LTBP1: variants seen among roughly 807,000 people sequenced by gnomAD.
LTBP1 encodes latent transforming growth factor beta binding protein 1, also known as latent-transforming growth factor beta-binding protein 1.
In LTBP1, 129 loss-of-function variants were observed where a neutral mutation model predicts 207.6. The observed-to-expected ratio is 0.62, with a 90% confidence interval of 0.54 to 0.72. The LOEUF (loss-of-function observed/expected upper bound fraction) is 0.72. LTBP1 is among the 30% of genes least tolerant of loss of function. LTBP1 has a pLI of 0.00. For missense variants in LTBP1, 2,281 were observed against 2,217.2 expected (o/e 1.03, Z -0.58); for synonymous variants, 963 against 833.7 (o/e 1.16, Z -2.67).
chr2:33,266,878 C>T (rs2093195490), intron 15 of LTBP1, among the ~76,000 whole-genome samples: 1 of 152,168 alleles, frequency 6.6e-6, no homozygotes, highest in Non-Finnish European at 1.5e-5. Context: ...ACTGAAAGAG[C>T]TATGACACAA....
chr2:33,326,317 C>T (rs1042024846), intron 24 of LTBP1, among the ~76,000 whole-genome samples: 1 of 152,186 alleles, frequency 6.6e-6, no homozygotes, highest in Middle Eastern at 3.2e-3. Flanking sequence ...GCACAAACTG[C>T]GTGTTTGCAA....
chr2:33,055,148 C>T (rs956479400), intron 3 of LTBP1, among the ~76,000 whole-genome samples: 4 of 152,072 alleles, frequency 2.6e-5, no homozygotes, highest in East Asian at 1.9e-4. Flanking sequence ...TATAGAACAC[C>T]GAGGTTGCAA....
intron 5 of LTBP1, among the ~76,000 whole-genome samples, chr2:33,179,500 G>A (rs2086408827): frequency 6.6e-6 from 1 of 151,772 alleles, no homozygotes; most frequent in Non-Finnish European, 1.5e-5. Flanking sequence ...AGTGTTGGGT[G>A]CATCTTTAAC....
chr2:33,243,832 G>C (rs771954194), intron 10 of LTBP1, 48 bp downstream of exon 10: 3 of 1,606,932 alleles, frequency 1.9e-6, no homozygotes, highest in Non-Finnish European at 1.7e-6. Context: ...ATTGTCTTTG[G>C]GGTTTTTCCA....
Position 32,972,749 on chromosome 2 carries a change from G to T in LTBP1, c.565+23804G>T, listed in dbSNP as rs1681103597. On this transcript the variant is annotated intron_variant, in intron 2 of 33. Coordinates refer to ENST00000404816, the MANE Select transcript of LTBP1 (RefSeq NM_206943.4). ...AGATCTGATGGTTTTAAAAGTGGCA[G>T]TTTCCCCTGCACACTTTCTCTCCTG... 2.0e-5 allele frequency among the ~76,000 whole-genome samples: 3 copies of T among 152,198 alleles called. No individual in the cohort carries two copies. The South Asian group carries it at 6.2e-4, about 32-fold the overall frequency.
At chr2:33,161,056 A>G (rs762136005) in intron 5 of LTBP1, among the ~76,000 whole-genome samples, 3 of 152,148 alleles carry the variant, frequency 2.0e-5, no homozygotes, top group Non-Finnish European at 4.4e-5. Context: ...TGACTCTGCC[A>G]TTTATTAATA....
chr2:33,305,776 G>A (rs1558982269), intron 22 of LTBP1, among the ~76,000 whole-genome samples: 1 of 152,146 alleles, frequency 6.6e-6, no homozygotes, highest in African/African-American at 2.4e-5. Context: ...GGAGATTGAG[G>A]AAAAAGTGGC....
rs565873733 is a variant in LTBP1 at position 33,086,606 on chromosome 2, A to G, written c.864-23976A>G. ...TCTCATTTATTTCTTTATTGCAACT[A>G]GTGAACACAGGGTTCAGCTGTAAGA... On this transcript the variant is annotated intron_variant, in intron 3 of 33. Coordinates refer to ENST00000404816, the MANE Select transcript of LTBP1 (RefSeq NM_206943.4). Among the ~76,000 whole-genome samples, 15 of 152,332 alleles carry G rather than the reference A, an allele frequency of 9.8e-5. 1 individual carries two copies. The South Asian group carries it at 2.7e-3, about 27-fold the overall frequency.
Position 33,186,001 on chromosome 2 carries a change from CAG to C in LTBP1, c.1202-852_1202-851del, listed in dbSNP as rs373529934. Reference sequence around the variant, plus strand: ...GAGGTTGACCATAAGCTAAAATAGCCAGAGTTATAACTCCTCTTAAAATTCTT... The same window carrying C: ...GAGGTTGACCATAAGCTAAAATAGCCAGTTATAACTCCTCTTAAAATTCTT... On this transcript the variant is annotated intron_variant, in intron 5 of 33. Coordinates refer to ENST00000404816, the MANE Select transcript of LTBP1 (RefSeq NM_206943.4). Among the ~76,000 whole-genome samples, 219 of 152,232 alleles carry C rather than the reference CAG, an allele frequency of 1.4e-3. 2 individuals are homozygous for C. The highest frequency in any genetic ancestry group is 5.1e-3 in the African/African-American group (211 of 41,532).
At chr2:33,176,357 C>T (rs1220966950) in intron 5 of LTBP1, among the ~76,000 whole-genome samples, 1 of 152,076 alleles carries the variant, frequency 6.6e-6, no homozygotes, top group African/African-American at 2.4e-5. Flanking sequence ...TTCTGAGTAG[C>T]TGGGACTACA....
chr2:33,219,252 AT>A (rs1422465022), intron 8 of LTBP1, among the ~76,000 whole-genome samples: 1 of 152,154 alleles, frequency 6.6e-6, no homozygotes, highest in Non-Finnish European at 1.5e-5. Context: ...TACTGAGAGA[AT>A]TTTCCAAGCA....
intron 31 of LTBP1, among the ~76,000 whole-genome samples, chr2:33,370,729 C>T (rs1162179408): frequency 6.6e-6 from 1 of 152,178 alleles, no homozygotes; most frequent in East Asian, 1.9e-4. Context: ...TTCATCTAAG[C>T]ACTGGACTAA....
At chr2:33,038,617 C>T (rs1228439002) in intron 3 of LTBP1, among the ~76,000 whole-genome samples, 1 of 152,228 alleles carries the variant, frequency 6.6e-6, no homozygotes, top group Non-Finnish European at 1.5e-5. Flanking sequence ...TTTCTCTGGA[C>T]ATCTTATCCT....
intron 3 of LTBP1, among the ~76,000 whole-genome samples, chr2:33,055,887 C>T (rs557626888): frequency 6.6e-6 from 1 of 152,108 alleles, no homozygotes; most frequent in South Asian, 2.1e-4. Context: ...TGCTTATTTC[C>T]TTCTGGGCAG....
chr2:33,037,231 T>C (rs886647655), intron 3 of LTBP1, among the ~76,000 whole-genome samples: 2 of 152,238 alleles, frequency 1.3e-5, no homozygotes, highest in African/African-American at 4.8e-5. Flanking sequence ...TTTCTAAATA[T>C]GTAAGTCTGT....
chr2:32,958,580 A>G (rs966792449), intron 2 of LTBP1, among the ~76,000 whole-genome samples: 1 of 152,188 alleles, frequency 6.6e-6, no homozygotes, highest in Non-Finnish European at 1.5e-5. Flanking sequence ...TTGCCACAGT[A>G]CAAGTGCCAC....
At chr2:33,329,209 A>T (rs1418711808) in intron 24 of LTBP1, among the ~76,000 whole-genome samples, 1 of 152,192 alleles carries the variant, frequency 6.6e-6, no homozygotes, top group Non-Finnish European at 1.5e-5. Flanking sequence ...AGCCATACTG[A>T]GTAAAGGTAT....
At chr2:33,046,452 CG>C (rs1430580630) in intron 3 of LTBP1, among the ~76,000 whole-genome samples, 1 of 152,114 alleles carries the variant, frequency 6.6e-6, no homozygotes, top group Non-Finnish European at 1.5e-5. Flanking sequence ...CCTTGCCTCC[CG>C]GGGATGAAGC....
At chr2:33,183,372 T>C (rs972405332) in intron 5 of LTBP1, among the ~76,000 whole-genome samples, 2 of 152,230 alleles carry the variant, frequency 1.3e-5, no homozygotes, top group Non-Finnish European at 2.9e-5. Flanking sequence ...TGTTTGTTCC[T>C]GAACTGAATA....
Sources: gnomAD v4.1 joint callset for allele counts (sites outside exome capture counted in the v4.1 genomes callset) on GRCh38, gnomAD v4.1.1 for gene constraint, MANE v1.5 for transcripts, NCBI Gene and HGNC (gene_info 2026-07-23, HGNC 2026-07-21) for gene names.